The following MKLN1 variants were observed in gnomAD, a reference collection of about 807,000 sequenced individuals.
MKLN1 encodes the protein muskelin.
Under a neutral mutation model 99.0 loss-of-function variants are expected in MKLN1, and 18 were observed. The ratio of observed to expected loss-of-function variants is 0.18; its 90% CI spans 0.13 to 0.27. MKLN1 has a LOEUF of 0.27. Among genes scored for constraint, MKLN1 ranks in the 10% least tolerant of loss-of-function variants. The probability of loss-of-function intolerance (pLI) is 1.00; values close to 1 mark genes in which losing one functional copy is unlikely to be tolerated. For missense variants in MKLN1, 621 were observed against 875.9 expected (o/e 0.71, Z 3.67); for synonymous variants, 288 against 293.2 (o/e 0.98, Z 0.18).
chr7:131,194,003 GTTTTTT>G (rs71168387), intron 2 of MKLN1, among the ~76,000 whole-genome samples: 5,899 of 128,220 alleles, frequency 0.046, 400 homozygotes, highest in African/African-American at 0.16. Flanking sequence ...GCTTTGTTTT[GTTTTTT>G]TTTTTTTTTT....
intron 17 of MKLN1, among the ~76,000 whole-genome samples, chr7:131,486,079 C>T (rs186610393): frequency 6.6e-6 from 1 of 151,780 alleles, no homozygotes. Flanking sequence ...CAGTGGGGTA[C>T]ACACATGGAG....
At chr7:131,317,886 T>C (rs912136030) in intron 3 of MKLN1, among the ~76,000 whole-genome samples, 2 of 149,764 alleles carry the variant, frequency 1.3e-5, no homozygotes, top group South Asian at 2.1e-4. Flanking sequence ...TCAATGCAAC[T>C]AACAATAGTT....
chr7:131,347,542 G>A (rs1799600222), intron 1 of MKLN1, among the ~76,000 whole-genome samples: 1 of 152,094 alleles, frequency 6.6e-6, no homozygotes, highest in Non-Finnish European at 1.5e-5. Flanking sequence ...GATGACTCCT[G>A]CCCCCTCTTA....
At chr7:131,446,476 A>G (rs954709422) in intron 12 of MKLN1, among the ~76,000 whole-genome samples, 3 of 152,260 alleles carry the variant, frequency 2.0e-5, no homozygotes, top group African/African-American at 7.2e-5. Flanking sequence ...TTTGCCTGTG[A>G]TTATTGTACC....
chr7:131,113,397 T>G (rs1795225646), intron 1 of MKLN1, among the ~76,000 whole-genome samples: 1 of 152,224 alleles, frequency 6.6e-6, no homozygotes. Flanking sequence ...GCAGAAGTCC[T>G]GGAGGAGAAA....
chr7:131,155,516 C>A (rs1284770561), intron 2 of MKLN1, among the ~76,000 whole-genome samples: 1 of 152,006 alleles, frequency 6.6e-6, no homozygotes, highest in Non-Finnish European at 1.5e-5. Context: ...TTTATTGTAA[C>A]CTTACCTTCA....
intron 3 of MKLN1, among the ~76,000 whole-genome samples, chr7:131,262,031 A>AT (rs1273027302): frequency 6.6e-6 from 1 of 152,198 alleles, no homozygotes; most frequent in Non-Finnish European, 1.5e-5. Flanking sequence ...AGAACTACCT[A>AT]TTGGGTACTA....
At chr7:131,466,556 C>A in intron 15 of MKLN1, 141 bp downstream of exon 15, 1 of 535,612 alleles carries the variant, frequency 1.9e-6, no homozygotes, top group Non-Finnish European at 2.9e-6. Flanking sequence ...TTTTTGCTTT[C>A]GTTTTTCAAA....
intron 3 of MKLN1, among the ~76,000 whole-genome samples, chr7:131,228,228 T>C (rs553993420): frequency 6.6e-6 from 1 of 152,298 alleles, no homozygotes; most frequent in South Asian, 2.1e-4. Flanking sequence ...CATACCCAGC[T>C]AATTTTATTT....
chr7:131,285,564 T>A (rs1038879038), intron 3 of MKLN1, among the ~76,000 whole-genome samples: 4 of 152,224 alleles, frequency 2.6e-5, no homozygotes, highest in African/African-American at 9.6e-5. Context: ...CAATCACCTT[T>A]CTTTGGCATA....
intron 1 of MKLN1, among the ~76,000 whole-genome samples, chr7:131,133,756 G>C (rs374096010): frequency 1.1e-4 from 16 of 148,792 alleles, no homozygotes; most frequent in African/African-American, 3.7e-4. Context: ...CAAACTGCTG[G>C]GATTATAGGC....
chr7:131,307,105 G>A (rs1032736473), intron 3 of MKLN1, among the ~76,000 whole-genome samples: 1 of 152,104 alleles, frequency 6.6e-6, no homozygotes, highest in Non-Finnish European at 1.5e-5. Context: ...GCTAAAAGGG[G>A]CCAAGGTACA....
intron 1 of MKLN1, chr7:131,328,258 C>G (rs1393077267): frequency 2.1e-6 from 1 of 477,486 alleles, no homozygotes; most frequent in Admixed American, 3.4e-5. Flanking sequence ...AACCGGAAGC[C>G]CAGCGGTTCT....
At position 131,263,125 on chromosome 7, in the gene MKLN1, T is replaced by C. The variant is rs373858432; in HGVS notation, c.-179+60151T>C. On this transcript the variant is annotated intron_variant, in intron 3 of 7. Coordinates refer to the MKLN1 transcript ENST00000416992. ...ATGCTGTGGACTTCCTACTGCCTCA[T>C]ATTAGGCTGTACATAATGTCTGGTT... 1.2e-4 allele frequency among the ~76,000 whole-genome samples: 18 copies of C among 152,206 alleles called. 1 individual carries two copies. In the East Asian group the frequency reaches 1.5e-3, roughly 13 times the overall value.
chr7:131,118,392 A>T (rs1584771057), intron 1 of MKLN1, among the ~76,000 whole-genome samples: 2 of 152,218 alleles, frequency 1.3e-5, no homozygotes, highest in Admixed American at 1.3e-4. Flanking sequence ...CATCTCTACT[A>T]AAAATACAAA....
At chr7:131,198,772 T>A (rs1224215404) in intron 2 of MKLN1, among the ~76,000 whole-genome samples, 1 of 152,066 alleles carries the variant, frequency 6.6e-6, no homozygotes, top group Non-Finnish European at 1.5e-5. Context: ...TAAAAAAAAT[T>A]CAAACAACAC....
At chr7:131,318,068 A>G (rs1044176891) in intron 3 of MKLN1, among the ~76,000 whole-genome samples, 1 of 152,200 alleles carries the variant, frequency 6.6e-6, no homozygotes, top group Admixed American at 6.5e-5. Flanking sequence ...GAACATTAAC[A>G]AAGATATTCA....
At chr7:131,337,783 A>G (rs896576337) in intron 1 of MKLN1, among the ~76,000 whole-genome samples, 2 of 150,950 alleles carry the variant, frequency 1.3e-5, no homozygotes, top group Non-Finnish European at 3.0e-5. Flanking sequence ...ATTGTATATT[A>G]TATAAATTAT....
At chr7:131,319,829 A>G (rs1798740584) in intron 3 of MKLN1, among the ~76,000 whole-genome samples, 1 of 152,226 alleles carries the variant, frequency 6.6e-6, no homozygotes, top group African/African-American at 2.4e-5. Context: ...TCCCATTCAC[A>G]ATTGCTACAA....
Sources: gnomAD v4.1 joint callset for allele counts (sites outside exome capture counted in the v4.1 genomes callset) on GRCh38, gnomAD v4.1.1 for gene constraint, MANE v1.5 for transcripts, NCBI Gene and HGNC (gene_info 2026-07-23, HGNC 2026-07-21) for gene names.